The following RAD51B variants were observed in gnomAD, a reference collection of about 807,000 sequenced individuals.
RAD51B encodes the protein DNA repair protein RAD51 homolog 2.
A neutral mutation model predicts 42.2 loss-of-function variants in RAD51B; 38 were observed. The ratio of observed to expected loss-of-function variants is 0.90; its 90% CI spans 0.70 to 1.18. The LOEUF (loss-of-function observed/expected upper bound fraction) is 1.18, where lower values mean the gene tolerates loss of function less well. Ranked by LOEUF, RAD51B falls within the 50% of genes most tolerant of loss-of-function variation. The pLI is 0.00. For missense variants in RAD51B, 373 were observed against 400.7 expected, an observed-to-expected ratio of 0.93 and a Z score of 0.59; for synonymous variants, 154 against 145.2, an observed-to-expected ratio of 1.06 and a Z score of -0.43.
intron 8 of RAD51B, among the ~76,000 whole-genome samples, chr14:68,386,439 C>T (rs1272702614): frequency 1.3e-5 from 2 of 152,210 alleles, no homozygotes; most frequent in Admixed American, 1.3e-4. Context: ...TTTCCCCAGT[C>T]CTCTCTTTGC....
chr14:68,257,285 G>A (rs2080773150), intron 7 of RAD51B, among the ~76,000 whole-genome samples: 1 of 152,190 alleles, frequency 6.6e-6, no homozygotes, highest in Admixed American at 6.5e-5. Context: ...TAATAGTTAT[G>A]TAATGTTATG....
At chr14:68,449,514 A>G (rs960266696) in intron 9 of RAD51B, among the ~76,000 whole-genome samples, 6 of 152,186 alleles carry the variant, frequency 3.9e-5, no homozygotes, top group African/African-American at 1.4e-4. Flanking sequence ...GATGGCTCAG[A>G]AAACTGCTCC....
intron 11 of RAD51B, among the ~76,000 whole-genome samples, chr14:68,680,776 T>A (rs1893410895): frequency 6.6e-6 from 1 of 152,150 alleles, no homozygotes; most frequent in African/African-American, 2.4e-5. Flanking sequence ...TTCAATAAAC[T>A]GTGATTTCTG....
At chr14:68,440,637 T>A (rs1347807989) in intron 9 of RAD51B, among the ~76,000 whole-genome samples, 1 of 152,010 alleles carries the variant, frequency 6.6e-6, no homozygotes, top group Non-Finnish European at 1.5e-5. Context: ...TCCCAGGTAC[T>A]TGGGAGGCTG....
intron 7 of RAD51B, among the ~76,000 whole-genome samples, chr14:68,235,732 A>G (rs1045087446): frequency 2.7e-5 from 4 of 148,772 alleles, no homozygotes; most frequent in African/African-American, 1.0e-4. Flanking sequence ...AAAAAAAAAA[A>G]GAGCTGAGAT....
chr14:67,969,094 G>T (rs1040485560), intron 7 of RAD51B, among the ~76,000 whole-genome samples: 2 of 152,122 alleles, frequency 1.3e-5, no homozygotes, highest in African/African-American at 2.4e-5. Flanking sequence ...TCACTATCAC[G>T]AGAACAGTAT....
At chr14:67,911,125 C>T (rs114646419) in intron 7 of RAD51B, among the ~76,000 whole-genome samples, 2,331 of 152,268 alleles carry the variant, frequency 0.015, 52 homozygotes, top group African/African-American at 0.052. Context: ...GCCCCAGTCT[C>T]ATTTTGGAAA....
At chr14:68,117,112 A>C (rs378408) in intron 7 of RAD51B, among the ~76,000 whole-genome samples, 44,316 of 152,100 alleles carry the variant, frequency 0.29, 9,171 homozygotes, top group African/African-American at 0.59. Context: ...CGCCTATATC[A>C]TAGAGCGTGC....
chr14:68,540,249 AGTTCCTTGCACCCT>A, intron 10 of RAD51B: 3 of 1,000,410 alleles, frequency 3.0e-6, no homozygotes, highest in Non-Finnish European at 3.6e-6. Flanking sequence ...GGATCGTCTG[AGTTCCTTGCACCCT>A]GTTCAAGGTT....
intron 7 of RAD51B, among the ~76,000 whole-genome samples, chr14:68,256,718 G>C (rs1207559287): frequency 1.3e-5 from 2 of 151,916 alleles, no homozygotes; most frequent in Non-Finnish European, 2.9e-5. Context: ...CCTCCTTCCC[G>C]AGCCTTTCCT....
At chr14:68,574,806 G>A (rs770031639) in intron 10 of RAD51B, among the ~76,000 whole-genome samples, 1 of 152,146 alleles carries the variant, frequency 6.6e-6, no homozygotes, top group Non-Finnish European at 1.5e-5. Context: ...TGGTAACCTC[G>A]TTAGTCAATT....
chr14:67,938,867 A>G (rs1165829428), intron 7 of RAD51B, among the ~76,000 whole-genome samples: 1 of 152,210 alleles, frequency 6.6e-6, no homozygotes, highest in Admixed American at 6.5e-5. Flanking sequence ...GAGGAAGTGA[A>G]GTAGTGACTT....
At chr14:68,516,273 G>A (rs1886147078) in intron 10 of RAD51B, among the ~76,000 whole-genome samples, 3 of 152,118 alleles carry the variant, frequency 2.0e-5, no homozygotes, top group South Asian at 4.2e-4. Flanking sequence ...TTAACATTTA[G>A]TAATTTATTA....
intron 7 of RAD51B, among the ~76,000 whole-genome samples, chr14:68,169,557 A>T (rs148843946): frequency 3.3e-5 from 5 of 152,316 alleles, no homozygotes; most frequent in African/African-American, 1.2e-4. Flanking sequence ...TTTAAATAAC[A>T]TATACATTTA....
intron 8 of RAD51B, among the ~76,000 whole-genome samples, chr14:68,295,510 C>T (rs1048798335): frequency 6.6e-6 from 1 of 152,154 alleles, no homozygotes; most frequent in African/African-American, 2.4e-5. Flanking sequence ...AGCCAGGGCT[C>T]GCTTTTTACA....
intron 10 of RAD51B, among the ~76,000 whole-genome samples, chr14:68,504,540 A>G (rs1885147298): frequency 6.6e-6 from 1 of 152,140 alleles, no homozygotes; most frequent in African/African-American, 2.4e-5. Flanking sequence ...GGCTGGGCCC[A>G]TGCATGATGC....
intron 7 of RAD51B, among the ~76,000 whole-genome samples, chr14:67,896,617 A>T (rs1434200126): frequency 6.6e-6 from 1 of 152,220 alleles, no homozygotes; most frequent in East Asian, 1.9e-4. Flanking sequence ...GAATCTGATA[A>T]CTGCTCACTG....
At chr14:68,285,303 G>C (rs2081392805) in intron 7 of RAD51B, among the ~76,000 whole-genome samples, 1 of 152,152 alleles carries the variant, frequency 6.6e-6, no homozygotes, top group Non-Finnish European at 1.5e-5. Flanking sequence ...GAAAGGCTAG[G>C]TCACTGTCAT....
rs961295123 is a variant in RAD51B, at chr14:68,584,684, G to A, written c.1037-9801G>A. ...ACTTGAGATTTCACCTCCATAAAAG[G>A]TTCCCAACACTTCCATCGATTCTTC... On this transcript the variant is annotated intron_variant, in intron 10 of 10. Transcript: ENST00000487270. Among the ~76,000 whole-genome samples, 7 of 152,252 alleles carry A rather than the reference G, an allele frequency of 4.6e-5. No homozygotes were observed. In the East Asian group the frequency reaches 1.3e-3, roughly 29 times the overall value.
Sources: gnomAD v4.1 joint callset for allele counts (sites outside exome capture counted in the v4.1 genomes callset) on GRCh38, gnomAD v4.1.1 for gene constraint, MANE v1.5 for transcripts, NCBI Gene and HGNC (gene_info 2026-07-23, HGNC 2026-07-21) for gene names.